The following UTRN variants were observed in gnomAD, a reference collection of about 807,000 sequenced individuals.
UTRN encodes the protein utrophin.
Under a neutral mutation model 463.9 loss-of-function variants are expected in UTRN, and 283 were observed. That is an observed-to-expected ratio of 0.61 (90% CI 0.55 to 0.67). UTRN has a LOEUF of 0.67. UTRN is among the 30% of genes least tolerant of loss of function. The pLI is 0.00. For missense variants in UTRN, 3,922 were observed against 4,084.3 expected (o/e 0.96, Z 1.08); for synonymous variants, 1,442 against 1,431.5 (o/e 1.01, Z -0.17).
intron 61 of UTRN, among the ~76,000 whole-genome samples, chr6:144,783,781 T>C (rs1439178884): frequency 6.6e-6 from 1 of 152,222 alleles, no homozygotes; most frequent in South Asian, 2.1e-4. Flanking sequence ...TGTTCATAAA[T>C]ATCATAACAA....
chr6:144,610,548 C>T (rs1805384520), intron 51 of UTRN, among the ~76,000 whole-genome samples: 1 of 152,112 alleles, frequency 6.6e-6, no homozygotes, highest in Non-Finnish European at 1.5e-5. Flanking sequence ...AGACAGAATA[C>T]TTCCAAACTA....
chr6:144,383,179 G>A (rs12110413), intron 2 of UTRN, among the ~76,000 whole-genome samples: 11,941 of 152,106 alleles, frequency 0.079, 1,556 homozygotes, highest in African/African-American at 0.27. Flanking sequence ...TGATCCACTC[G>A]CCTTAGCCTC....
At chr6:144,733,859 G>A (rs775022076) in intron 54 of UTRN, among the ~76,000 whole-genome samples, 10 of 152,112 alleles carry the variant, frequency 6.6e-5, no homozygotes, top group Non-Finnish European at 1.3e-4. Context: ...TCTAACATAT[G>A]CAGCTATTGT....
chr6:144,579,792 G>C (rs1317649478), intron 51 of UTRN, among the ~76,000 whole-genome samples: 1 of 152,128 alleles, frequency 6.6e-6, no homozygotes, highest in African/African-American at 2.4e-5. Context: ...CTGGTAGAAA[G>C]TAATAAAGAG....
At chr6:144,666,286 T>C (rs551442665) in intron 51 of UTRN, among the ~76,000 whole-genome samples, 2 of 152,344 alleles carry the variant, frequency 1.3e-5, no homozygotes, top group East Asian at 3.9e-4. Flanking sequence ...AAATTTTCAG[T>C]GCAAGCTTAG....
chr6:144,577,355 A>G, intron 51 of UTRN, 67 bp downstream of exon 51: 1 of 1,519,120 alleles, frequency 6.6e-7, no homozygotes, highest in East Asian at 2.3e-5. Flanking sequence ...CTCTGCATGC[A>G]AATGTGTTAC....
chr6:144,487,718 G>T (rs768683242), intron 29 of UTRN, 21 bp downstream of exon 29: 3 of 1,586,248 alleles, frequency 1.9e-6, no homozygotes, highest in African/African-American at 1.4e-5. Context: ...GGACATACAT[G>T]GGTGTTGATT....
intron 2 of UTRN, among the ~76,000 whole-genome samples, chr6:144,306,125 T>C (rs529766589): frequency 3.2e-4 from 49 of 152,320 alleles, no homozygotes; most frequent in Admixed American, 1.2e-3. Context: ...CTGTTTTATT[T>C]TCCCTTTTCT....
chr6:144,399,541 G>A (rs1420347082), intron 2 of UTRN, among the ~76,000 whole-genome samples: 5 of 152,136 alleles, frequency 3.3e-5, no homozygotes, highest in Non-Finnish European at 5.9e-5. Flanking sequence ...AAAGGTCTAG[G>A]TGCTACTTTC....
At chr6:144,693,014 T>A (rs1339300352) in intron 52 of UTRN, among the ~76,000 whole-genome samples, 1 of 152,070 alleles carries the variant, frequency 6.6e-6, no homozygotes, top group Non-Finnish European at 1.5e-5. Context: ...GTTTTTTTTT[T>A]TATAGTTTTG....
chr6:144,346,587 G>A (rs907903946), intron 2 of UTRN, among the ~76,000 whole-genome samples: 8 of 152,164 alleles, frequency 5.3e-5, no homozygotes, highest in African/African-American at 1.9e-4. Flanking sequence ...TTGGGAGCCC[G>A]AGGCGGGCAG....
chr6:144,748,174 A>ACACT, intron 54 of UTRN, 72 bp from the exon 55 acceptor site: 2 of 1,496,968 alleles, frequency 1.3e-6, no homozygotes, highest in East Asian at 2.3e-5. Context: ...AACGATGGTA[A>ACACT]CACTCACACT....
rs746022991 is a variant in UTRN, at chr6:144,487,642, T to C, written c.3917T>C (p.Ile1306Thr). 6.2e-7 allele frequency: 1 copy of C among 1,613,310 alleles called. No homozygotes were observed. The highest frequency in any genetic ancestry group is 8.5e-7 in the Non-Finnish European group (1 of 1,179,580). The part of the protein sequence containing the change: ...TLIDGGILDD[I>T]ISEKLEAFNS... ...ATTGATGGGGGGATCCTGGATGATA[T>C]AATCAGTGAGAAACTGGAGGCTTTC... The change falls in exon 29 of 75, where the codon ATA becomes ACA. Residue 1306 changes from isoleucine to threonine, a missense_variant. By Grantham distance (89) the Ile-to-Thr change is moderately conservative (BLOSUM62 -1). Transcript: ENST00000367545.
chr6:144,514,436 G>A (rs1376067542), intron 36 of UTRN, among the ~76,000 whole-genome samples: 2 of 152,066 alleles, frequency 1.3e-5, no homozygotes, highest in East Asian at 1.9e-4. Flanking sequence ...ATTCTCCAGC[G>A]AGTCTTACTT....
At chr6:144,379,866 C>T (rs1033839854) in intron 2 of UTRN, among the ~76,000 whole-genome samples, 3 of 152,180 alleles carry the variant, frequency 2.0e-5, no homozygotes, top group African/African-American at 7.2e-5. Context: ...TGAAGAGGTC[C>T]AAGACTGATC....
intron 52 of UTRN, among the ~76,000 whole-genome samples, chr6:144,685,609 G>A (rs138998138): frequency 3.9e-5 from 6 of 152,230 alleles, no homozygotes; most frequent in African/African-American, 1.4e-4. Flanking sequence ...TTTCCCTGAG[G>A]ATTAGTGATA....
intron 69 of UTRN, among the ~76,000 whole-genome samples, chr6:144,829,286 T>A (rs1434003052): frequency 6.6e-6 from 1 of 152,074 alleles, no homozygotes; most frequent in African/African-American, 2.4e-5. Context: ...CCACACATAC[T>A]TAGATATATA....
At chr6:144,688,403 G>A (rs956601204) in intron 52 of UTRN, among the ~76,000 whole-genome samples, 2 of 152,062 alleles carry the variant, frequency 1.3e-5, no homozygotes, top group African/African-American at 4.8e-5. Context: ...ATTTATTGCT[G>A]GAGAGCTAGT....
intron 26 of UTRN, among the ~76,000 whole-genome samples, chr6:144,480,546 C>T (rs1392786250): frequency 6.6e-6 from 1 of 152,136 alleles, no homozygotes; most frequent in Non-Finnish European, 1.5e-5. Context: ...GTAGGAATAG[C>T]GGTAGGAATG....
Sources: gnomAD v4.1 joint callset for allele counts (sites outside exome capture counted in the v4.1 genomes callset) on GRCh38, gnomAD v4.1.1 for gene constraint, MANE v1.5 for transcripts, NCBI Gene and HGNC (gene_info 2026-07-23, HGNC 2026-07-21) for gene names.